Variants in PTPRF observed in about 807,000 individuals in gnomAD.
PTPRF encodes the protein protein tyrosine phosphatase receptor type F, also known as receptor-type tyrosine-protein phosphatase F.
In PTPRF, 59 loss-of-function variants were observed where a neutral mutation model predicts 201.8. The ratio of observed to expected loss-of-function variants is 0.29; its 90% CI spans 0.24 to 0.36. PTPRF has a LOEUF of 0.36. Ranked by LOEUF, PTPRF falls within the 10% of genes least tolerant of loss-of-function variation. PTPRF has a pLI of 1.00. For missense variants in PTPRF, 2,132 were observed against 2,690.5 expected, an observed-to-expected ratio of 0.79 and a Z score of 4.59; for synonymous variants, 1,088 against 1,089.7, an observed-to-expected ratio of 1.00 and a Z score of 0.03.
In PTPRF at chr1:43,603,336, C is replaced by G. The variant is rs1654248890; in HGVS notation, c.2341-80C>G. On this transcript the variant is annotated intron_variant, in intron 14 of 33. Transcript: ENST00000359947. The surrounding 1 kb of genome is among the most constrained non-coding windows in gnomAD (Gnocchi z 5.8). ...TGTGTGCCCCGGGGCTCCCCTCAGG[C>G]TAGGGTCCTGAGGTCCCTGACAAGG... 1 of 1,300,326 alleles carries G rather than the reference C, an allele frequency of 7.7e-7. No individual in the cohort carries two copies. The highest frequency in any genetic ancestry group is 1.5e-5 in the African/African-American group (1 of 68,720). The allele number at this position is 1,300,326 out of a possible 1,614,324, so 80.5% of individuals were successfully genotyped here. A position where few individuals can be genotyped will look rare whatever the true frequency, so the allele number is the denominator to read the frequency against.
chr1:43,560,092 G>A (rs549780716), intron 5 of PTPRF, among the ~76,000 whole-genome samples: 1 of 150,466 alleles, frequency 6.6e-6, no homozygotes, highest in Non-Finnish European at 1.5e-5. Context: ...ACAGCAGATG[G>A]TGTGCAGCAG....
chr1:43,586,394 G>T (rs1221071668), intron 7 of PTPRF, among the ~76,000 whole-genome samples: 1 of 152,240 alleles, frequency 6.6e-6, no homozygotes, highest in Non-Finnish European at 1.5e-5. Context: ...GGCATGCACC[G>T]CTGGGCTGGG....
At chr1:43,555,188 A>C (rs1441236809) in intron 5 of PTPRF, among the ~76,000 whole-genome samples, 2 of 152,050 alleles carry the variant, frequency 1.3e-5, no homozygotes, top group Non-Finnish European at 2.9e-5. Flanking sequence ...TGATGTCGAT[A>C]CCTGTTCCTT....
chr1:43,622,054 C>A lies in PTPRF; in HGVS notation c.*51C>A, dbSNP rs1659347525. 1.9e-6 allele frequency: 3 copies of A among 1,569,112 alleles called. No individual in the cohort carries two copies. Among genetic ancestry groups the A allele is most frequent in the Non-Finnish European group, 2.6e-6 (3 of 1,140,094 alleles). On this transcript the variant is annotated 3_prime_UTR_variant, in exon 34 of 34. Coordinates refer to ENST00000359947, the MANE Select transcript of PTPRF (RefSeq NM_002840.5). Reference sequence around the variant, plus strand: ...CCCCGCCGTGGGGCTCCGGAGGGGACCCAGCTCCTCTGAGCCATACCGACC... The same window carrying A: ...CCCCGCCGTGGGGCTCCGGAGGGGAACCAGCTCCTCTGAGCCATACCGACC...
chr1:43,617,740 C>A lies in PTPRF; in HGVS notation c.4200C>A (p.Val1400=). The A allele has an allele frequency of 6.2e-7, 1 of 1,613,012 alleles. No individual in the cohort carries two copies. Among genetic ancestry groups the A allele is most frequent in the Non-Finnish European group, 8.5e-7 (1 of 1,179,192 alleles). ...SRVILTSIDG[V]PGSDYINANY... is the part of the protein sequence containing the mutation. ...CACCTCCTTTCTTATCCATAGGCGT[C>A]CCCGGGAGTGACTACATCAATGCCA... Residue 1400 remains valine (V), a synonymous_variant, in exon 25 of 34, where the codon GTC becomes GTA. Coordinates refer to ENST00000359947, the MANE Select transcript of PTPRF (RefSeq NM_002840.5).
At chr1:43,531,869 C>T (rs1643577861) in intron 1 of PTPRF, among the ~76,000 whole-genome samples, 1 of 152,228 alleles carries the variant, frequency 6.6e-6, no homozygotes, top group Non-Finnish European at 1.5e-5. Flanking sequence ...ATCGCCGTGC[C>T]GGCGTCTCTG....
At chr1:43,529,731 G>C (rs1383185747), upstream of PTPRF, among the ~76,000 whole-genome samples, 1 of 152,166 alleles carries the variant, frequency 6.6e-6, no homozygotes, top group Non-Finnish European at 1.5e-5. Context: ...TCTGGAGGCA[G>C]GGGCGCTTGG....
At chr1:43,543,806 G>A (rs1409745832) in intron 2 of PTPRF, among the ~76,000 whole-genome samples, 1 of 151,910 alleles carries the variant, frequency 6.6e-6, no homozygotes. Context: ...ATCACTGTGG[G>A]GCCCCAAGGC....
chr1:43,579,008 A>C, intron 7 of PTPRF, 88 bp downstream of exon 7: 9 of 1,171,192 alleles, frequency 7.7e-6, no homozygotes, highest in Non-Finnish European at 1.1e-5. Flanking sequence ...TGGTGCAGAC[A>C]CGCAAGGGAC....
At position 43,588,598 on chromosome 1, in the gene PTPRF, G is replaced by T; in HGVS notation, c.680-133G>T. 2 of 1,201,082 alleles carry T rather than the reference G, an allele frequency of 1.7e-6. No homozygotes were observed. The highest frequency in any genetic ancestry group is 1.1e-6 in the Non-Finnish European group (1 of 877,186). 74.4% of individuals were successfully genotyped at this position (1,201,082 alleles called of 1,614,324 possible). On this transcript the variant is annotated intron_variant, in intron 7 of 33. Transcript: ENST00000359947. The surrounding 1 kb of genome is among the most constrained non-coding windows in gnomAD (Gnocchi z 5.3). ...AGTGGATGATGAGCTGGGGTCTGGC[G>T]GTGCCACCCCTCCTGTCTCTGAGCA... is the stretch of plus-strand genomic sequence containing the variant.
chr1:43,538,527 T>C (rs1468391681), intron 2 of PTPRF, among the ~76,000 whole-genome samples: 1 of 151,982 alleles, frequency 6.6e-6, no homozygotes. Context: ...TGGTGAAGGA[T>C]TGAATGTGGG....
chr1:43,549,520 C>G (rs1294727941), intron 3 of PTPRF, among the ~76,000 whole-genome samples: 1 of 152,272 alleles, frequency 6.6e-6, no homozygotes, highest in East Asian at 1.9e-4. Context: ...CTGCACAGTG[C>G]TAGGCCTGTA....
Position 43,591,122 on chromosome 1 carries a change from A to C in PTPRF, c.1100A>C (p.Asp367Ala). The part of the protein sequence containing the change: ...AGTEGPFQEV[D>A]GVATTRYSIG... ...ACGGAGGGCCCCTTTCAGGAGGTGG[A>C]TGGTGTGGCCACCACCCGCTACAGC... Residue 367 changes from aspartate to alanine, a missense_variant, in exon 9 of 34, where the codon GAT (aspartate) becomes GCT (alanine). By Grantham distance (126) the Asp-to-Ala change is moderately radical. Transcript: ENST00000359947. 1 of 1,613,748 alleles carries C rather than the reference A, an allele frequency of 6.2e-7. No homozygotes were observed. The highest frequency in any genetic ancestry group is 1.3e-5 in the African/African-American group (1 of 75,080).
intron 23 of PTPRF, among the ~76,000 whole-genome samples, chr1:43,615,746 T>G (rs959014174): frequency 4.1e-4 from 63 of 151,890 alleles, no homozygotes; most frequent in Non-Finnish European, 5.2e-4. Flanking sequence ...TTTTTTATTT[T>G]TAGTAGAGAT....
chr1:43,529,448 A>G (rs1643268210), upstream of PTPRF, among the ~76,000 whole-genome samples: 1 of 152,240 alleles, frequency 6.6e-6, no homozygotes, highest in South Asian at 2.1e-4. Context: ...CCCTGAATCC[A>G]GGCACCTCAA....
rs1410487785 is a variant in PTPRF at position 43,620,132 on chromosome 1, G to A, written c.5149G>A (p.Ala1717Thr). 1.2e-6 allele frequency: 2 copies of A among 1,614,100 alleles called. No homozygotes were observed. The highest frequency in any genetic ancestry group is 1.7e-5 in the Admixed American group (1 of 60,018). Residue 1717 changes from alanine to threonine, a missense_variant, in exon 30 of 34, where the codon GCA (alanine) becomes ACA (threonine). By Grantham distance (58) the Ala-to-Thr change is moderately conservative. Coordinates refer to ENST00000359947, the MANE Select transcript of PTPRF (RefSeq NM_002840.5). ...CTACATAGCTACACAGGGGCCTCTG[G>A]CAGAGAGCACCGAGGACTTCTGGCG... ...KAYIATQGPL[A>T]ESTEDFWRML...
intron 8 of PTPRF, among the ~76,000 whole-genome samples, chr1:43,589,783 G>T (rs1056452013): frequency 6.6e-6 from 1 of 150,760 alleles, no homozygotes; most frequent in Non-Finnish European, 1.5e-5. Context: ...GATCACTTGA[G>T]CCCAGGAGGG....
rs768921761 is a variant in PTPRF, at chr1:43,603,775, C to T, written c.2623C>T (p.Gln875Ter). The change falls in exon 16 of 34, where the codon CAG (glutamine) becomes TAG (stop). Residue 875 changes from glutamine (Q) to a stop codon, truncating the protein, a stop_gained. Transcript: ENST00000359947. LOFTEE classifies it high-confidence loss of function. The surrounding 1 kb of genome is among the most constrained non-coding windows in gnomAD (Gnocchi z 5.8). ...PNTIDFGKDD[Q>*]HFTVTGLHKG... is the part of the protein sequence containing the mutation. ...CACCATAGATTTCGGCAAGGATGACCAGCACTTCACAGTCACCGGCCTGCA... is the reference window on the plus strand; with the variant it reads ...CACCATAGATTTCGGCAAGGATGACTAGCACTTCACAGTCACCGGCCTGCA... 6.2e-7 allele frequency: 1 copy of T among 1,614,094 alleles called. No individual in the cohort carries two copies. Among genetic ancestry groups the T allele is most frequent in the Non-Finnish European group, 8.5e-7 (1 of 1,180,044 alleles).
chr1:43,601,758 CA>C (rs1002430937), intron 13 of PTPRF, among the ~76,000 whole-genome samples: 17 of 152,184 alleles, frequency 1.1e-4, no homozygotes, highest in African/African-American at 4.1e-4. Context: ...CCAGCAAGCC[CA>C]AAATTGTCAG....
Sources: allele counts gnomAD v4.1 joint callset (sites outside exome capture counted in the v4.1 genomes callset), GRCh38; gene constraint gnomAD v4.1.1; non-coding constraint Gnocchi (gnomAD v3.1); transcripts MANE v1.5; gene names NCBI Gene and HGNC (gene_info 2026-07-23, HGNC 2026-07-21).